The following SPATA13 variants were observed in gnomAD, a reference collection of about 807,000 sequenced individuals.
SPATA13 encodes the protein spermatogenesis associated 13, also known as spermatogenesis-associated protein 13.
Under a neutral mutation model 104.0 loss-of-function variants are expected in SPATA13, and 50 were observed. The ratio of observed to expected loss-of-function variants is 0.48; its 90% CI spans 0.38 to 0.61. The LOEUF (loss-of-function observed/expected upper bound fraction) is 0.61, where lower values mean the gene tolerates loss of function less well. Among genes scored for constraint, SPATA13 ranks in the 20% least tolerant of loss-of-function variants. The pLI is 0.00. For missense variants in SPATA13, 1,524 were observed against 1,690.6 expected, an observed-to-expected ratio of 0.90 and a Z score of 1.73; for synonymous variants, 606 against 667.5, an observed-to-expected ratio of 0.91 and a Z score of 1.42.
chr13:24,243,886 A>G (rs936594795), intron 2 of SPATA13, among the ~76,000 whole-genome samples: 1 of 152,130 alleles, frequency 6.6e-6, no homozygotes, highest in Non-Finnish European at 1.5e-5. Flanking sequence ...CAGAGTCCCT[A>G]TGCTTTAATT....
intron 1 of SPATA13, among the ~76,000 whole-genome samples, chr13:24,197,853 C>G (rs1482936272): frequency 6.6e-6 from 1 of 152,154 alleles, no homozygotes; most frequent in Non-Finnish European, 1.5e-5. Context: ...CCCTGGCTCT[C>G]TCAGTGGGCA....
intron 2 of SPATA13, among the ~76,000 whole-genome samples, chr13:24,232,943 T>C (rs1422928659): frequency 6.6e-6 from 1 of 152,242 alleles, no homozygotes; most frequent in Non-Finnish European, 1.5e-5. Flanking sequence ...CTGAGAACTC[T>C]AAGATTACAA....
At chr13:24,159,212 A>C (rs1183994571), upstream of SPATA13, among the ~76,000 whole-genome samples, 1 of 152,208 alleles carries the variant, frequency 6.6e-6, no homozygotes, top group Non-Finnish European at 1.5e-5. Flanking sequence ...GAGTAGAAAT[A>C]AAATGGAACA....
At chr13:23,981,358 T>G (rs1874886430) in intron 1 of SPATA13, among the ~76,000 whole-genome samples, 1 of 152,204 alleles carries the variant, frequency 6.6e-6, no homozygotes. Context: ...ACAAATTATG[T>G]TATTTGTTTA....
intron 1 of SPATA13, among the ~76,000 whole-genome samples, chr13:24,191,195 C>T (rs1387421995): frequency 1.3e-5 from 2 of 152,114 alleles, no homozygotes; most frequent in East Asian, 1.9e-4. Context: ...AGGCTGGTCT[C>T]GATCACCTGG....
At chr13:24,189,485 A>G (rs34769600) in intron 1 of SPATA13, among the ~76,000 whole-genome samples, 4 of 109,812 alleles carry the variant, frequency 3.6e-5, no homozygotes, top group African/African-American at 9.4e-5. Flanking sequence ...CTCTCTCTCT[A>G]TATATATACG....
At chr13:24,110,467 C>T (rs1162244458) in intron 3 of SPATA13, among the ~76,000 whole-genome samples, 1 of 152,210 alleles carries the variant, frequency 6.6e-6, no homozygotes, top group African/African-American at 2.4e-5. Context: ...CTCCAAACCC[C>T]TTGACTCTGC....
At chr13:24,228,207 G>T (rs1280365125) in intron 2 of SPATA13, among the ~76,000 whole-genome samples, 1 of 143,938 alleles carries the variant, frequency 6.9e-6, no homozygotes, top group Non-Finnish European at 1.5e-5. Context: ...TCCACCTCCC[G>T]GGTTCACGCC....
chr13:24,240,405 T>C (rs1161847139), intron 2 of SPATA13, among the ~76,000 whole-genome samples: 1 of 152,066 alleles, frequency 6.6e-6, no homozygotes, highest in Non-Finnish European at 1.5e-5. Context: ...TGAACAATTA[T>C]CATGAAGGCT....
intron 1 of SPATA13, chr13:23,980,004 C>CTACCTT (rs1874800325): frequency 6.6e-6 from 1 of 152,380 alleles, no homozygotes; most frequent in Non-Finnish European, 1.5e-5. Flanking sequence ...TGGCCGAAAT[C>CTACCTT]CTGTGCCCGT....
rs1268992764 is a variant in SPATA13, at chr13:24,294,859, G to A, written c.3201G>A (p.Val1067=). The change falls in exon 10 of 13, where the codon GTG becomes GTA. Residue 1067 remains valine, a synonymous_variant. Coordinates refer to ENST00000382108, the MANE Select transcript of SPATA13 (RefSeq NM_001166271.3). Reference sequence around the variant, plus strand: ...TAGCTCGCTGGCAGGTGTCTATCGTGGGCTGGGAGGTAAGTGGAAAGCACC... The same window carrying A: ...TAGCTCGCTGGCAGGTGTCTATCGTAGGCTGGGAGGTAAGTGGAAAGCACC... ...DKIARWQVSI[V]GWEGLDILDR... 6.2e-7 allele frequency: 1 copy of A among 1,606,778 alleles called. No individual in the cohort carries two copies. Among genetic ancestry groups the A allele is most frequent in the South Asian group, 1.1e-5 (1 of 90,882 alleles).
At chr13:24,278,311 T>G (rs1875169291) in intron 4 of SPATA13, among the ~76,000 whole-genome samples, 1 of 152,172 alleles carries the variant, frequency 6.6e-6, no homozygotes, top group Non-Finnish European at 1.5e-5. Flanking sequence ...CATCTGCAAG[T>G]GGGGACAACT....
intron 3 of SPATA13, among the ~76,000 whole-genome samples, chr13:24,095,007 A>T (rs914932651): frequency 1.3e-5 from 2 of 152,218 alleles, no homozygotes; most frequent in Non-Finnish European, 2.9e-5. Flanking sequence ...GATTTCTCAG[A>T]AAGTTAAAAA....
intron 2 of SPATA13, among the ~76,000 whole-genome samples, chr13:24,237,290 G>A (rs1182138708): frequency 6.6e-6 from 1 of 152,150 alleles, no homozygotes; most frequent in African/African-American, 2.4e-5. Context: ...TTGAACCCAG[G>A]GGGTGGAGGT....
intron 3 of SPATA13, among the ~76,000 whole-genome samples, chr13:24,077,239 GGCGACAGA>G (rs1357572713): frequency 8.7e-5 from 12 of 138,552 alleles, no homozygotes; most frequent in Admixed American, 1.6e-4. Context: ...CCCCAGTCCT[GGCGACAGA>G]GCGAGACTCC....
At position 24,239,693 on chromosome 13, in the gene SPATA13, T is replaced by TAAAAAAAAAAAAAAAAAAAAAA. The variant is rs55881452; in HGVS notation, c.1654-9779_1654-9758dup. 4.3e-5 allele frequency among the ~76,000 whole-genome samples: 2 copies of TAAAAAAAAAAAAAAAAAAAAAA among 46,940 alleles called. 1 individual carries two copies. Among genetic ancestry groups the TAAAAAAAAAAAAAAAAAAAAAA allele is most frequent in the African/African-American group, 1.5e-4 (2 of 13,494 alleles). 30.8% of individuals were successfully genotyped at this position (46,940 alleles called of 152,430 possible). On this transcript the variant is annotated intron_variant, in intron 2 of 12. Transcript: ENST00000382108. ...CTGGGTGTCGGATAGAGACCATATC[T>TAAAAAAAAAAAAAAAAAAAAAA]AAAAAAAAAAAAAAAAAAAAAAAAA...
At chr13:24,167,385 T>C (rs1882784527) in intron 1 of SPATA13, among the ~76,000 whole-genome samples, 1 of 152,160 alleles carries the variant, frequency 6.6e-6, no homozygotes, top group Non-Finnish European at 1.5e-5. Context: ...ACAGCTCCAG[T>C]GTGGTGGATC....
chr13:24,028,936 T>G (rs1877354138), intron 3 of SPATA13, among the ~76,000 whole-genome samples: 1 of 151,322 alleles, frequency 6.6e-6, no homozygotes, highest in Admixed American at 6.6e-5. Flanking sequence ...AAATGTTTTA[T>G]AATCTACATC....
At chr13:24,291,565 C>T (rs1876349661) in intron 9 of SPATA13, among the ~76,000 whole-genome samples, 2 of 152,128 alleles carry the variant, frequency 1.3e-5, no homozygotes, top group South Asian at 4.1e-4. Flanking sequence ...TGGTCTTCTC[C>T]CTGTTCCCTC....
Sources: allele counts gnomAD v4.1 joint callset (sites outside exome capture counted in the v4.1 genomes callset), GRCh38; gene constraint gnomAD v4.1.1; transcripts MANE v1.5; gene names NCBI Gene and HGNC (gene_info 2026-07-23, HGNC 2026-07-21).